Variants in CARMIL1 observed in about 807,000 individuals in gnomAD.
CARMIL1 encodes F-actin-uncapping protein LRRC16A.
CARMIL1 carries 90 observed loss-of-function variants against 177.1 expected under a neutral mutation model. That is an observed-to-expected ratio of 0.51 (90% CI 0.43 to 0.61). The LOEUF (loss-of-function observed/expected upper bound fraction) is 0.61. Ranked by LOEUF, CARMIL1 falls within the 20% of genes least tolerant of loss-of-function variation. The pLI is 0.00. For synonymous variants in CARMIL1, 577 were observed against 606.2 expected (o/e 0.95, Z 0.71); for missense variants, 1,380 against 1,667.0 (o/e 0.83, Z 3.00).
At chr6:25,607,136 C>T (rs1328038368) in intron 35 of CARMIL1, among the ~76,000 whole-genome samples, 2 of 151,510 alleles carry the variant, frequency 1.3e-5, no homozygotes, top group East Asian at 1.9e-4. Flanking sequence ...TGACAAGACC[C>T]CGTCACCCTA....
intron 2 of CARMIL1, among the ~76,000 whole-genome samples, chr6:25,403,039 G>A (rs1488026559): frequency 1.3e-5 from 2 of 150,084 alleles, no homozygotes; most frequent in African/African-American, 2.4e-5. Flanking sequence ...GAAAATTCTG[G>A]AACCAGCTGT....
In CARMIL1 at chr6:25,609,958, A is replaced by G. The variant is rs1035633618; in HGVS notation, c.3848-92A>G. On this transcript the variant is annotated intron_variant, in intron 35 of 36. Transcript: ENST00000329474. ...ATTCTATGATGCTTTATTTTTTTAA[A>G]TGACTTATTTTTATATATAGATTTA... 7 of 1,363,808 alleles carry G rather than the reference A, an allele frequency of 5.1e-6. No homozygotes were observed. In the African/African-American group the frequency reaches 7.4e-5, roughly 14 times the overall value. The allele number at this position is 1,363,808 out of a possible 1,614,324, so 84.5% of individuals were successfully genotyped here.
At chr6:25,333,044 A>AT (rs1020838031) in intron 2 of CARMIL1, among the ~76,000 whole-genome samples, 7 of 152,130 alleles carry the variant, frequency 4.6e-5, no homozygotes, top group African/African-American at 1.7e-4. Context: ...CTCAGATGTG[A>AT]TTCCTGCTAC....
At position 25,374,684 on chromosome 6, in the gene CARMIL1, A is replaced by G. The variant is rs1200407694; in HGVS notation, c.139-45430A>G. ...TCTTAGGTCGTGTAGTAATTGTTTT[A>G]TGAATCTGGAGTTCAAGACTTAGGT... is the stretch of plus-strand genomic sequence containing the variant. On this transcript the variant is annotated intron_variant, in intron 2 of 36. Coordinates refer to ENST00000329474, the MANE Select transcript of CARMIL1 (RefSeq NM_017640.6). Among the ~76,000 whole-genome samples the G allele has an allele frequency of 3.3e-5, 5 of 152,288 alleles. 1 individual carries two copies. The highest frequency in any genetic ancestry group is 4.1e-4 in the South Asian group (2 of 4,830).
chr6:25,332,884 C>T lies in CARMIL1; in HGVS notation c.138+47975C>T, dbSNP rs550684235. On this transcript the variant is annotated intron_variant, in intron 2 of 36. Coordinates refer to ENST00000329474, the MANE Select transcript of CARMIL1 (RefSeq NM_017640.6). Reference sequence around the variant, plus strand: ...CCACAAAAGACCTGATACTTCCGTGCCTGCTGGCCTTTGTGCTATAGTCTC... The same window carrying T: ...CCACAAAAGACCTGATACTTCCGTGTCTGCTGGCCTTTGTGCTATAGTCTC... 3.9e-5 allele frequency among the ~76,000 whole-genome samples: 6 copies of T among 152,248 alleles called. No homozygotes were observed. In the East Asian group the frequency reaches 1.2e-3, roughly 29 times the overall value.
intron 2 of CARMIL1, among the ~76,000 whole-genome samples, chr6:25,290,483 G>C (rs566617287): frequency 6.6e-6 from 1 of 151,510 alleles, no homozygotes; most frequent in South Asian, 2.1e-4. Flanking sequence ...GCCTGTTTGG[G>C]GGAGAGGAAT....
At chr6:25,557,004 G>A (rs1321377111) in intron 29 of CARMIL1, among the ~76,000 whole-genome samples, 154 bp downstream of exon 29, 2 of 151,128 alleles carry the variant, frequency 1.3e-5, no homozygotes, top group African/African-American at 2.4e-5. Flanking sequence ...TAAAGAGGCC[G>A]CTAATGAAGT....
intron 8 of CARMIL1, among the ~76,000 whole-genome samples, chr6:25,455,743 T>A (rs1302478700): frequency 6.6e-6 from 1 of 152,222 alleles, no homozygotes; most frequent in Non-Finnish European, 1.5e-5. Flanking sequence ...TAGAAGTTTG[T>A]AACTGCCATT....
chr6:25,481,617 T>A (rs533848250), intron 11 of CARMIL1, among the ~76,000 whole-genome samples: 46 of 152,352 alleles, frequency 3.0e-4, no homozygotes, highest in Non-Finnish European at 2.8e-4. Context: ...TCTATGCTCA[T>A]TGCAGTCCTT....
chr6:25,443,192 G>C (rs966220303), intron 5 of CARMIL1, among the ~76,000 whole-genome samples: 2 of 152,318 alleles, frequency 1.3e-5, no homozygotes, highest in African/African-American at 4.8e-5. Flanking sequence ...AATAATGGCT[G>C]TGCCTACTTC....
Position 25,529,651 on chromosome 6 carries a change from G to T in CARMIL1, c.2067+758G>T, listed in dbSNP as rs573246395. 7.5e-4 allele frequency among the ~76,000 whole-genome samples: 70 copies of T among 93,148 alleles called. 8 individuals are homozygous for T. The South Asian group carries it at 0.026, about 35-fold the overall frequency. 61.1% of individuals were successfully genotyped at this position (93,148 alleles called of 152,430 possible). A position where few individuals can be genotyped will look rare whatever the true frequency, so the allele number is the denominator to read the frequency against. On this transcript the variant is annotated intron_variant, in intron 24 of 36. Coordinates refer to ENST00000329474, the MANE Select transcript of CARMIL1 (RefSeq NM_017640.6). ...TGATACATCCATAAAATAAGAATAGGCTGCTAGAATGGCGTGAACCCGGGA... is the reference window on the plus strand; with the variant it reads ...TGATACATCCATAAAATAAGAATAGTCTGCTAGAATGGCGTGAACCCGGGA...
chr6:25,499,617 T>C (rs1486817949), intron 16 of CARMIL1, among the ~76,000 whole-genome samples: 1 of 152,218 alleles, frequency 6.6e-6, no homozygotes, highest in Non-Finnish European at 1.5e-5. Context: ...TGGACTCCAA[T>C]TCAAGACATA....
intron 27 of CARMIL1, among the ~76,000 whole-genome samples, chr6:25,552,451 A>C (rs1810197059): frequency 6.6e-6 from 1 of 152,196 alleles, no homozygotes; most frequent in African/African-American, 2.4e-5. Flanking sequence ...TTTTATGTCC[A>C]TTAACTCCAT....
At chr6:25,386,292 G>A (rs886851206) in intron 2 of CARMIL1, among the ~76,000 whole-genome samples, 3 of 151,994 alleles carry the variant, frequency 2.0e-5, no homozygotes, top group Non-Finnish European at 4.4e-5. Context: ...TTGCTCTGTC[G>A]CCCAGGCTGG....
At position 25,541,929 on chromosome 6, in the gene CARMIL1, G is replaced by A. The variant is rs542776080; in HGVS notation, c.2328+1851G>A. Among the ~76,000 whole-genome samples the A allele has an allele frequency of 2.6e-5, 4 of 152,290 alleles. No individual in the cohort carries two copies. In the South Asian group the frequency reaches 8.3e-4, roughly 32 times the overall value. On this transcript the variant is annotated intron_variant, in intron 26 of 36. Coordinates refer to ENST00000329474, the MANE Select transcript of CARMIL1 (RefSeq NM_017640.6). ...TTGCCTTTGCCTCCCAAAGTGCTGGGATTACAGGCATGAGCCACTGCTCCC... is the reference window on the plus strand; with the variant it reads ...TTGCCTTTGCCTCCCAAAGTGCTGGAATTACAGGCATGAGCCACTGCTCCC...
chr6:25,343,133 C>T (rs1787118629), intron 2 of CARMIL1, among the ~76,000 whole-genome samples: 1 of 152,162 alleles, frequency 6.6e-6, no homozygotes, highest in South Asian at 2.1e-4. Context: ...TATCCAGTGA[C>T]CAGTGCATCA....
At chr6:25,400,476 T>G (rs1793793876) in intron 2 of CARMIL1, among the ~76,000 whole-genome samples, 5 of 152,212 alleles carry the variant, frequency 3.3e-5, no homozygotes, top group Admixed American at 3.3e-4. Context: ...GATGGAATTT[T>G]TATTGTCACC....
intron 17 of CARMIL1, among the ~76,000 whole-genome samples, chr6:25,507,797 TTTC>T (rs1001267261): frequency 3.3e-5 from 5 of 152,194 alleles, no homozygotes; most frequent in Non-Finnish European, 5.9e-5. Flanking sequence ...AGCATACTTT[TTTC>T]TTGCTCTAAA....
chr6:25,452,001 C>CCCG (rs1554199112), intron 8 of CARMIL1: 21 of 232,246 alleles, frequency 9.0e-5, no homozygotes, highest in African/African-American at 2.4e-4. Context: ...CCCCTCCCCC[C>CCCG]CCCAGAATAC....
Sources: gnomAD v4.1 joint callset for allele counts (sites outside exome capture counted in the v4.1 genomes callset) on GRCh38, gnomAD v4.1.1 for gene constraint, MANE v1.5 for transcripts, NCBI Gene and HGNC (gene_info 2026-07-23, HGNC 2026-07-21) for gene names.